The following CAST variants were observed in gnomAD, a reference collection of about 807,000 sequenced individuals.
CAST encodes MIR583 host.
Under a neutral mutation model 119.6 loss-of-function variants are expected in CAST, and 76 were observed. The ratio of observed to expected loss-of-function variants is 0.64; its 90% confidence interval spans 0.53 to 0.77. CAST has a LOEUF of 0.77. Among genes scored for constraint, CAST ranks in the 30% least tolerant of loss-of-function variants. CAST has a pLI of 0.00. For missense variants in CAST, 953 were observed against 946.5 expected (o/e 1.01, Z -0.09); for synonymous variants, 319 against 331.6 (o/e 0.96, Z 0.41).
chr5:96,044,188 A>G, the CAST span, among the ~76,000 whole-genome samples: 20 of 152,202 alleles, frequency 1.3e-4, no homozygotes, highest in Non-Finnish European at 2.5e-4. Flanking sequence ...CAGCAGTGCT[A>G]TGGTTTGAAT....
the CAST span, among the ~76,000 whole-genome samples, chr5:96,031,687 G>A: frequency 6.6e-6 from 1 of 152,090 alleles, no homozygotes; most frequent in Non-Finnish European, 1.5e-5. Flanking sequence ...CTATATCAAT[G>A]TAAATAACAA....
At chr5:96,491,013 AACTC>A in the CAST span, among the ~76,000 whole-genome samples, 1 of 152,170 alleles carries the variant, frequency 6.6e-6, no homozygotes, top group East Asian at 1.9e-4. Context: ...AAGAATATAT[AACTC>A]TTATAATCAA....
intron 2 of CAST, among the ~76,000 whole-genome samples, chr5:96,681,530 G>A (rs1157778058): frequency 1.3e-5 from 2 of 151,544 alleles, no homozygotes; most frequent in Non-Finnish European, 2.9e-5. Context: ...TCAGGAGATC[G>A]AGACCATCCC....
the CAST span, among the ~76,000 whole-genome samples, chr5:96,117,410 A>T: frequency 1.3e-5 from 2 of 152,272 alleles, no homozygotes; most frequent in Non-Finnish European, 2.9e-5. Context: ...CCGTGTAGAA[A>T]CTAGTATAAA....
chr5:96,560,592 C>T (rs1226635631), intron 1 of CAST, among the ~76,000 whole-genome samples: 1 of 152,182 alleles, frequency 6.6e-6, no homozygotes, highest in Non-Finnish European at 1.5e-5. Flanking sequence ...CCAAAAGACA[C>T]ATGAAAAATT....
chr5:96,740,880 TAACTC>T (rs1245296835), intron 13 of CAST, 97 bp downstream of exon 13: 18 of 804,786 alleles, frequency 2.2e-5, no homozygotes, highest in Middle Eastern at 2.3e-4. Context: ...GATTATGACT[TAACTC>T]ATCTCCAAAT....
At chr5:96,665,360 T>C (rs113290938) in intron 1 of CAST, among the ~76,000 whole-genome samples, 16 of 152,222 alleles carry the variant, frequency 1.1e-4, no homozygotes, top group African/African-American at 3.6e-4. Context: ...GTATAAGCCA[T>C]TGAGATATTT....
the CAST span, among the ~76,000 whole-genome samples, chr5:96,220,258 T>C: frequency 6.6e-6 from 1 of 152,182 alleles, no homozygotes; most frequent in Non-Finnish European, 1.5e-5. Flanking sequence ...TGTGAAGACA[T>C]GATGCTTCGG....
At position 96,757,485 on chromosome 5, in the gene CAST, A is replaced by G. The variant is rs1222648864; in HGVS notation, c.1752A>G (p.Glu584=). Residue 584 remains glutamate (E), a synonymous_variant, in exon 23 of 32, where the codon GAA becomes GAG. Transcript: ENST00000675179. ...GKPLLPKESK[E]QLPPMSEDFL... is the part of the protein sequence containing the mutation. ...CACTCCTGCCAAAAGAGTCTAAGGAACAGCTTCCAGTAAGCAAACCAGTTT... is the reference window on the plus strand; with the variant it reads ...CACTCCTGCCAAAAGAGTCTAAGGAGCAGCTTCCAGTAAGCAAACCAGTTT... The G allele has an allele frequency of 1.2e-6, 2 of 1,614,144 alleles. No homozygotes were observed. Among genetic ancestry groups the G allele is most frequent in the Admixed American group, 3.3e-5 (2 of 60,030 alleles).
chr5:96,434,677 G>T, the CAST span, among the ~76,000 whole-genome samples: 1 of 151,532 alleles, frequency 6.6e-6, no homozygotes, highest in Non-Finnish European at 1.5e-5. Context: ...CTATGCTGTA[G>T]AAATAGAAGA....
the CAST span, among the ~76,000 whole-genome samples, chr5:96,287,409 A>G: frequency 6.6e-6 from 1 of 152,260 alleles, no homozygotes; most frequent in East Asian, 1.9e-4. Context: ...AAAGCCCTCA[A>G]TTTCTATTCC....
chr5:96,474,285 C>G, the CAST span, among the ~76,000 whole-genome samples: 1 of 152,092 alleles, frequency 6.6e-6, no homozygotes, highest in Non-Finnish European at 1.5e-5. Context: ...AGCACTGACC[C>G]CGCTTGCACC....
chr5:96,456,099 G>A, the CAST span, among the ~76,000 whole-genome samples: 3 of 152,104 alleles, frequency 2.0e-5, no homozygotes, highest in Non-Finnish European at 4.4e-5. Context: ...GGGAATAGAG[G>A]GGATATCTAA....
chr5:96,368,929 C>G, the CAST span, among the ~76,000 whole-genome samples: 1 of 152,058 alleles, frequency 6.6e-6, no homozygotes, highest in Non-Finnish European at 1.5e-5. Flanking sequence ...GTTCCTAAAG[C>G]TTGGTATTGC....
At chr5:96,171,705 C>G in the CAST span, among the ~76,000 whole-genome samples, 146,253 of 152,306 alleles carry the variant, frequency 0.96, 70,482 homozygotes, top group East Asian at 1. Flanking sequence ...TAAGAGAAGG[C>G]AGAGATTGAA....
intron 16 of CAST, among the ~76,000 whole-genome samples, chr5:96,744,524 G>A (rs764148432): frequency 1.6e-4 from 25 of 152,336 alleles, no homozygotes; most frequent in Middle Eastern, 3.4e-3. Flanking sequence ...CCCACGACAC[G>A]TGGGAATTAT....
the CAST span, among the ~76,000 whole-genome samples, chr5:96,021,047 A>G: frequency 6.6e-6 from 1 of 152,172 alleles, no homozygotes; most frequent in Admixed American, 6.5e-5. Flanking sequence ...TTTTAATTGA[A>G]TTAGAATTTT....
the CAST span, among the ~76,000 whole-genome samples, chr5:96,107,926 T>C: frequency 6.6e-6 from 1 of 152,084 alleles, no homozygotes; most frequent in African/African-American, 2.4e-5. Flanking sequence ...TTCATTTCTT[T>C]TTATTCTTTT....
At chr5:96,033,508 C>T in the CAST span, among the ~76,000 whole-genome samples, 4 of 152,026 alleles carry the variant, frequency 2.6e-5, no homozygotes, top group East Asian at 7.7e-4. Flanking sequence ...CATATACAGA[C>T]AATGATTTCC....
Sources: gnomAD v4.1 joint callset for allele counts (sites outside exome capture counted in the v4.1 genomes callset) on GRCh38, gnomAD v4.1.1 for gene constraint, MANE v1.5 for transcripts, NCBI Gene and HGNC (gene_info 2026-07-23, HGNC 2026-07-21) for gene names.